RBMS3: variants seen among roughly 807,000 people sequenced by gnomAD.
The protein encoded by RBMS3 is RNA-binding motif, single-stranded-interacting protein 3.
Under a neutral mutation model 66.8 loss-of-function variants are expected in RBMS3, and 27 were observed. The observed-to-expected ratio is 0.40, with a 90% CI of 0.30 to 0.56. The LOEUF is 0.56. RBMS3 is among the 20% of genes least tolerant of loss of function. The pLI, the probability that RBMS3 is intolerant of heterozygous loss-of-function variation, is 0.40. For missense variants in RBMS3, 513 were observed against 549.5 expected (o/e 0.93, Z 0.66); for synonymous variants, 188 against 183.0 (o/e 1.03, Z -0.22).
chr3:29,448,147 G>A (rs575780341), intron 2 of RBMS3, among the ~76,000 whole-genome samples: 10 of 152,286 alleles, frequency 6.6e-5, no homozygotes, highest in Admixed American at 3.3e-4. Flanking sequence ...CTCTCTGATC[G>A]CTACAACCAC....
At chr3:29,540,615 C>T (rs1312972936) in intron 3 of RBMS3, among the ~76,000 whole-genome samples, 1 of 152,196 alleles carries the variant, frequency 6.6e-6, no homozygotes, top group Non-Finnish European at 1.5e-5. Context: ...CTCTCGAACA[C>T]AGATTAAATT....
At position 29,537,169 on chromosome 3, in the gene RBMS3, A is replaced by G. The variant is rs9814701; in HGVS notation, c.307+48670A>G. 4.7e-3 allele frequency among the ~76,000 whole-genome samples: 714 copies of G among 152,272 alleles called. 6 individuals carry two copies. The highest frequency in any genetic ancestry group is 0.016 in the African/African-American group (653 of 41,574). On this transcript the variant is annotated intron_variant, in intron 3 of 14. Coordinates refer to ENST00000383767, the MANE Select transcript of RBMS3 (RefSeq NM_001003793.3). Reference sequence around the variant, plus strand: ...CTAAAGGGGAATGAAAGAGAAGGTAAAAAAGGTAAAACTGACACATGAGGG... The same window carrying G: ...CTAAAGGGGAATGAAAGAGAAGGTAGAAAAGGTAAAACTGACACATGAGGG...
intron 3 of RBMS3, among the ~76,000 whole-genome samples, chr3:29,515,870 C>G (rs2044600271): frequency 6.6e-6 from 1 of 152,166 alleles, no homozygotes. Flanking sequence ...ATAATTGGCC[C>G]CAAACTGTAA....
intron 10 of RBMS3, among the ~76,000 whole-genome samples, chr3:29,911,802 T>G (rs1383475113): frequency 6.6e-6 from 1 of 152,094 alleles, no homozygotes; most frequent in Non-Finnish European, 1.5e-5. Flanking sequence ...GAGTTTCTTT[T>G]TTCTATGTGA....
At chr3:29,596,313 A>G (rs903373042) in intron 4 of RBMS3, among the ~76,000 whole-genome samples, 5 of 152,186 alleles carry the variant, frequency 3.3e-5, no homozygotes, top group Non-Finnish European at 7.3e-5. Context: ...ACTACAGACT[A>G]CCGAGGTTCA....
intron 10 of RBMS3, among the ~76,000 whole-genome samples, chr3:29,917,163 A>G (rs982226371): frequency 1.3e-5 from 2 of 152,092 alleles, no homozygotes; most frequent in African/African-American, 4.8e-5. Flanking sequence ...TCCTCTCTTC[A>G]TGGAATGTAT....
chr3:29,352,940 GGC>G (rs2037004473), intron 1 of RBMS3, among the ~76,000 whole-genome samples: 1 of 148,244 alleles, frequency 6.7e-6, no homozygotes, highest in African/African-American at 2.5e-5. Context: ...TTTTTTTTAT[GGC>G]TGTACAGTAT....
At chr3:29,778,572 T>C (rs886309997) in intron 6 of RBMS3, among the ~76,000 whole-genome samples, 1 of 151,764 alleles carries the variant, frequency 6.6e-6, no homozygotes, top group Non-Finnish European at 1.5e-5. Context: ...GGAGGCTGCA[T>C]TTTATATTAT....
chr3:30,000,255 G>C (rs889554042), intron 14 of RBMS3, among the ~76,000 whole-genome samples: 1 of 152,048 alleles, frequency 6.6e-6, no homozygotes, highest in African/African-American at 2.4e-5. Flanking sequence ...CTTCTCAAAA[G>C]AAGACATTTA....
chr3:29,540,194 T>A (rs1180250076), intron 3 of RBMS3, among the ~76,000 whole-genome samples: 1 of 152,240 alleles, frequency 6.6e-6, no homozygotes, highest in Non-Finnish European at 1.5e-5. Flanking sequence ...GGGATATTTT[T>A]ATATCTCATC....
intron 6 of RBMS3, among the ~76,000 whole-genome samples, chr3:29,829,046 CTTTT>C (rs2058292340): frequency 3.1e-5 from 1 of 32,550 alleles, no homozygotes; most frequent in Non-Finnish European, 8.4e-5. Flanking sequence ...TTCTTTCTTT[CTTTT>C]GTTTTGTTTT....
intron 10 of RBMS3, among the ~76,000 whole-genome samples, chr3:29,915,745 C>T (rs2060623857): frequency 6.6e-6 from 1 of 151,860 alleles, no homozygotes; most frequent in South Asian, 2.1e-4. Context: ...AAATATAAAC[C>T]TTTAATCTGT....
At chr3:29,309,555 G>C (rs1459749953) in intron 1 of RBMS3, among the ~76,000 whole-genome samples, 4 of 150,884 alleles carry the variant, frequency 2.7e-5, no homozygotes. Context: ...GATTAAGAGG[G>C]AAATTATAGA....
chr3:29,461,116 T>C (rs1202997174), intron 2 of RBMS3, among the ~76,000 whole-genome samples: 11 of 152,240 alleles, frequency 7.2e-5, no homozygotes, highest in Admixed American at 7.2e-4. Context: ...TCTCATTTCC[T>C]TGTTAATGAT....
chr3:29,412,741 G>A (rs984983904), intron 1 of RBMS3, among the ~76,000 whole-genome samples: 2 of 152,164 alleles, frequency 1.3e-5, no homozygotes, highest in Admixed American at 6.5e-5. Flanking sequence ...AATATCTACT[G>A]AAGGACAAAA....
intron 2 of RBMS3, among the ~76,000 whole-genome samples, chr3:29,435,884 A>G (rs1308696363): frequency 3.0e-5 from 4 of 134,072 alleles, no homozygotes; most frequent in Admixed American, 7.4e-5. Context: ...CTGAGGCAGG[A>G]GAATGGCGTG....
chr3:29,340,772 A>G (rs2036236383), intron 1 of RBMS3, among the ~76,000 whole-genome samples: 1 of 152,176 alleles, frequency 6.6e-6, no homozygotes, highest in African/African-American at 2.4e-5. Flanking sequence ...TCAGTTTGAC[A>G]AGATAATTAG....
intron 2 of RBMS3, among the ~76,000 whole-genome samples, chr3:29,466,429 A>AT (rs1278758467): frequency 6.6e-6 from 1 of 152,068 alleles, no homozygotes; most frequent in Non-Finnish European, 1.5e-5. Context: ...TTGTTTATAT[A>AT]TTTTTTTAGC....
intron 4 of RBMS3, among the ~76,000 whole-genome samples, chr3:29,704,814 T>G (rs889293241): frequency 2.0e-5 from 3 of 152,232 alleles, no homozygotes; most frequent in East Asian, 1.9e-4. Flanking sequence ...GAAAAAATGT[T>G]ATTGAACTTT....
Sources: allele counts gnomAD v4.1 joint callset (sites outside exome capture counted in the v4.1 genomes callset), GRCh38; gene constraint gnomAD v4.1.1; transcripts MANE v1.5; gene names NCBI Gene and HGNC (gene_info 2026-07-23, HGNC 2026-07-21).